Variants in SSH2 observed in about 807,000 individuals in gnomAD.
SSH2 encodes protein phosphatase Slingshot homolog 2.
SSH2 carries 37 observed loss-of-function variants against 135.2 expected under a neutral mutation model. The ratio of observed to expected loss-of-function variants is 0.27; its 90% CI spans 0.21 to 0.36. The LOEUF is 0.36. SSH2 is among the 10% of genes least tolerant of loss of function. The pLI is 1.00. For missense variants in SSH2, 1,408 were observed against 1,765.3 expected, an observed-to-expected ratio of 0.80 and a Z score of 3.63; for synonymous variants, 628 against 646.2, an observed-to-expected ratio of 0.97 and a Z score of 0.43.
Position 29,636,812 on chromosome 17 carries a change from A to T in SSH2, c.1428-10T>A. The T allele has an allele frequency of 6.4e-7, 1 of 1,561,420 alleles. No individual in the cohort carries two copies. Among genetic ancestry groups the T allele is most frequent in the Non-Finnish European group, 8.8e-7 (1 of 1,140,460 alleles). On this transcript the variant is annotated splice_polypyrimidine_tract_variant and intron_variant, in intron 14 of 15. Coordinates refer to ENST00000540801, the MANE Select transcript of SSH2 (RefSeq NM_001282129.2). Reference sequence around the variant, plus strand: ...GTTATGCCGCTGTTTGCTGTGGAGGACATACACAGGAAGTATCTTAATCTG... The same window carrying T: ...GTTATGCCGCTGTTTGCTGTGGAGGTCATACACAGGAAGTATCTTAATCTG...
rs527455180 is a variant in SSH2 at position 29,883,005 on chromosome 17, A to T, written c.64-34076T>A. On this transcript the variant is annotated intron_variant, in intron 1 of 15. Transcript: ENST00000540801. ...GGCCAAATCATAATCTTATGCCTAG[A>T]ATCCTTTTGTGATTCATAAGCATGG... is the stretch of plus-strand genomic sequence containing the variant. The T allele has an allele frequency of 2.0e-5, 3 of 152,162 alleles. 1 individual carries two copies. The South Asian group carries it at 6.2e-4, about 32-fold the overall frequency. The allele number at this position is 152,162 out of a possible 1,614,324, so 9.4% of individuals were successfully genotyped here.
chr17:29,703,144 C>G (rs895139719), intron 3 of SSH2, 82 bp from the exon 4 acceptor site: 8 of 952,570 alleles, frequency 8.4e-6, no homozygotes, highest in African/African-American at 4.8e-5. Context: ...TTTGGATTCT[C>G]TCTTCTCTAT....
At chr17:29,678,399 T>G (rs2037818499) in intron 6 of SSH2, among the ~76,000 whole-genome samples, 1 of 152,180 alleles carries the variant, frequency 6.6e-6, no homozygotes, top group African/African-American at 2.4e-5. Flanking sequence ...AGGATTATTT[T>G]TAATGCCAAT....
chr17:29,796,500 C>A (rs1157645772), intron 2 of SSH2, among the ~76,000 whole-genome samples: 2 of 152,116 alleles, frequency 1.3e-5, no homozygotes. Context: ...GCCACCATGG[C>A]CTGGCTAATT....
intron 3 of SSH2, among the ~76,000 whole-genome samples, chr17:29,719,181 C>G (rs531308223): frequency 2.0e-5 from 3 of 152,306 alleles, no homozygotes; most frequent in African/African-American, 7.2e-5. Flanking sequence ...CAGCTGCCTA[C>G]TGGATAGCTG....
chr17:29,917,748 G>A (rs941059462), intron 1 of SSH2, among the ~76,000 whole-genome samples: 2 of 151,832 alleles, frequency 1.3e-5, no homozygotes, highest in African/African-American at 4.8e-5. Context: ...CCAGCTACTC[G>A]GGAGGCTGAG....
In SSH2 at chr17:29,861,770, G is replaced by C. The variant is rs190811319; in HGVS notation, c.64-12841C>G. Among the ~76,000 whole-genome samples the C allele has an allele frequency of 1.9e-4, 29 of 152,256 alleles. No individual in the cohort carries two copies. In the East Asian group the frequency reaches 5.6e-3, roughly 29 times the overall value. On this transcript the variant is annotated intron_variant, in intron 1 of 15. Coordinates refer to ENST00000540801, the MANE Select transcript of SSH2 (RefSeq NM_001282129.2). ...GATGAGGTTTCACTATGTTAGCCAG[G>C]CTGGTCTTGAACTCCTGACCTCATG... is the stretch of plus-strand genomic sequence containing the variant.
rs550944657 is a variant in SSH2, at chr17:29,890,964, C to T, written c.63+38974G>A. 3.9e-5 allele frequency among the ~76,000 whole-genome samples: 6 copies of T among 152,196 alleles called. No homozygotes were observed. The South Asian group carries it at 1.0e-3, about 26-fold the overall frequency. On this transcript the variant is annotated intron_variant, in intron 1 of 15. Coordinates refer to ENST00000540801, the MANE Select transcript of SSH2 (RefSeq NM_001282129.2). ...AGAGACGGGGTTTCATCATGTTGGCCAGGATGGTCTTGATCTCTTGACCTC... is the reference window on the plus strand; with the variant it reads ...AGAGACGGGGTTTCATCATGTTGGCTAGGATGGTCTTGATCTCTTGACCTC...
intron 8 of SSH2, among the ~76,000 whole-genome samples, chr17:29,673,507 C>A (rs1457673438): frequency 6.6e-6 from 1 of 151,118 alleles, no homozygotes; most frequent in Non-Finnish European, 1.5e-5. Flanking sequence ...GAGACGGAGG[C>A]TGTAGTTAGC....
At position 29,811,767 on chromosome 17, in the gene SSH2, AT is replaced by A. The variant is rs2042447132; in HGVS notation, c.145-17831del. Among the ~76,000 whole-genome samples, 5 of 152,190 alleles carry A rather than the reference AT, an allele frequency of 3.3e-5. No homozygotes were observed. The South Asian group carries it at 1.0e-3, about 32-fold the overall frequency. On this transcript the variant is annotated intron_variant, in intron 2 of 15. Coordinates refer to ENST00000540801, the MANE Select transcript of SSH2 (RefSeq NM_001282129.2). Reference sequence around the variant, plus strand: ...TTTTTTGTAGAGACAGAGTCTCACTATGTTGTCTAGGCTGGTCTTGAACTCC... The same window carrying A: ...TTTTTTGTAGAGACAGAGTCTCACTAGTTGTCTAGGCTGGTCTTGAACTCC...
At chr17:29,726,475 G>A (rs761809039) in intron 3 of SSH2, among the ~76,000 whole-genome samples, 4 of 152,176 alleles carry the variant, frequency 2.6e-5, no homozygotes, top group Non-Finnish European at 4.4e-5. Context: ...ACAATATGGA[G>A]AATGGATTGG....
chr17:29,710,934 G>A (rs1459218798), intron 3 of SSH2, among the ~76,000 whole-genome samples: 1 of 152,088 alleles, frequency 6.6e-6, no homozygotes. Context: ...AGACATTCCC[G>A]CCCTACCCCT....
At chr17:29,784,787 C>G (rs892372654) in intron 3 of SSH2, among the ~76,000 whole-genome samples, 1 of 152,076 alleles carries the variant, frequency 6.6e-6, no homozygotes, top group Admixed American at 6.6e-5. Context: ...TATTTTCAGA[C>G]TTTTGATGAT....
intron 3 of SSH2, chr17:29,761,401 A>G (rs2041298322): frequency 4.7e-6 from 5 of 1,064,360 alleles, no homozygotes; most frequent in Non-Finnish European, 2.3e-6. Context: ...GCAGCCGCCG[A>G]AGCCCCAGGG....
At chr17:29,926,588 T>C (rs1597524542) in intron 1 of SSH2, among the ~76,000 whole-genome samples, 1 of 151,338 alleles carries the variant, frequency 6.6e-6, no homozygotes, top group South Asian at 2.1e-4. Context: ...AATACCACTG[T>C]GATCATTTCT....
intron 1 of SSH2, among the ~76,000 whole-genome samples, chr17:29,916,692 C>T (rs1261918199): frequency 6.6e-6 from 1 of 152,098 alleles, no homozygotes; most frequent in Non-Finnish European, 1.5e-5. Flanking sequence ...TCTCCACCCT[C>T]ATAAGGTTTA....
intron 12 of SSH2, among the ~76,000 whole-genome samples, chr17:29,653,840 A>T (rs1312800777): frequency 6.6e-6 from 1 of 152,090 alleles, no homozygotes; most frequent in East Asian, 1.9e-4. Flanking sequence ...CACCTGCCTC[A>T]ACCTCCCAAA....
chr17:29,689,803 G>A (rs1284210794), intron 5 of SSH2, among the ~76,000 whole-genome samples: 1 of 151,770 alleles, frequency 6.6e-6, no homozygotes, highest in Admixed American at 6.6e-5. Context: ...TTACAAACTG[G>A]GCATAGTGGC....
chr17:29,859,838 C>A (rs568676272), intron 1 of SSH2, among the ~76,000 whole-genome samples: 1 of 151,846 alleles, frequency 6.6e-6, no homozygotes, highest in South Asian at 2.1e-4. Context: ...CGAATGGTAG[C>A]TCTGTTTTTT....
Sources: allele counts gnomAD v4.1 joint callset (sites outside exome capture counted in the v4.1 genomes callset), GRCh38; gene constraint gnomAD v4.1.1; transcripts MANE v1.5; gene names NCBI Gene and HGNC (gene_info 2026-07-23, HGNC 2026-07-21).